The following TNKS variants were observed in gnomAD, a reference collection of about 807,000 sequenced individuals.
TNKS encodes the protein poly [ADP-ribose] polymerase tankyrase-1.
A neutral mutation model predicts 135.8 loss-of-function variants in TNKS; 72 were observed. That is an observed-to-expected ratio of 0.53 (90% CI 0.44 to 0.64). The LOEUF is 0.64. TNKS is among the 30% of genes least tolerant of loss of function. The pLI is 0.00. For synonymous variants in TNKS, 849 were observed against 649.3 expected (o/e 1.31, Z -4.68); for missense variants, 1,769 against 1,674.0 (o/e 1.06, Z -0.99).
At chr8:9,721,030 C>G (rs1295932985) in intron 12 of TNKS, among the ~76,000 whole-genome samples, 4 of 151,786 alleles carry the variant, frequency 2.6e-5, no homozygotes, top group Non-Finnish European at 5.9e-5. Context: ...TCCTGTAATC[C>G]CAATACTTTG....
chr8:9,580,464 G>A (rs2129053337), intron 2 of TNKS, 81 bp downstream of exon 2: 1 of 1,263,518 alleles, frequency 7.9e-7, no homozygotes, highest in East Asian at 2.4e-5. Context: ...TGTTTCCTGA[G>A]AATAGGTAAG....
intron 3 of TNKS, among the ~76,000 whole-genome samples, chr8:9,630,869 TCA>T (rs1393365898): frequency 6.6e-6 from 1 of 152,214 alleles, no homozygotes; most frequent in East Asian, 1.9e-4. Flanking sequence ...AGAAACATTC[TCA>T]GATCTTTAAA....
At chr8:9,607,937 G>A (rs1242846558) in intron 2 of TNKS, among the ~76,000 whole-genome samples, 1 of 152,074 alleles carries the variant, frequency 6.6e-6, no homozygotes, top group Non-Finnish European at 1.5e-5. Context: ...ACACCGCCTT[G>A]ATTTGTGTTA....
chr8:9,609,067 T>C (rs1251407083), intron 2 of TNKS, among the ~76,000 whole-genome samples: 1 of 152,216 alleles, frequency 6.6e-6, no homozygotes, highest in African/African-American at 2.4e-5. Flanking sequence ...ACATTTGCCC[T>C]ATTATTTTTT....
At chr8:9,686,872 A>G (rs1199981510) in intron 5 of TNKS, among the ~76,000 whole-genome samples, 1 of 152,184 alleles carries the variant, frequency 6.6e-6, no homozygotes, top group Non-Finnish European at 1.5e-5. Context: ...TTAGCCTAAA[A>G]AAAATGAAGA....
rs763059252 is a variant in TNKS at position 9,710,151 on chromosome 8, T to A, written c.1680T>A (p.Thr560=). 5 of 1,614,110 alleles carry A rather than the reference T, an allele frequency of 3.1e-6. No individual in the cohort carries two copies. Among genetic ancestry groups the A allele is most frequent in the Non-Finnish European group, 4.2e-6 (5 of 1,179,996 alleles). ...NVNEKNKDFM[T]PLHVAAERAH... ...TTCCTCTTTTCTGTAGTTTCATGAC[T>A]CCCCTGCATGTTGCAGCCGAAAGAG... The change falls in exon 11 of 27, where the codon ACT becomes ACA. Residue 560 remains threonine, a synonymous_variant. Coordinates refer to ENST00000310430, the MANE Select transcript of TNKS (RefSeq NM_003747.3).
intron 17 of TNKS, among the ~76,000 whole-genome samples, chr8:9,742,173 C>T (rs1038410351): frequency 1.3e-5 from 2 of 152,106 alleles, no homozygotes; most frequent in African/African-American, 4.8e-5. Flanking sequence ...ATTTTTACCT[C>T]ATTGTGAGGG....
chr8:9,729,421 C>T (rs550451103), intron 13 of TNKS, among the ~76,000 whole-genome samples: 66 of 152,298 alleles, frequency 4.3e-4, no homozygotes, highest in African/African-American at 1.5e-3. Context: ...TCCCCAGGGA[C>T]CCTGCAATCG....
intron 17 of TNKS, chr8:9,741,744 T>G (rs557756166): frequency 3.8e-6 from 2 of 529,570 alleles, no homozygotes; most frequent in Admixed American, 1.9e-5. Flanking sequence ...CTCTTGTGGC[T>G]CAAGCGTAAT....
chr8:9,662,888 A>C (rs752512059), intron 3 of TNKS, among the ~76,000 whole-genome samples: 1 of 152,250 alleles, frequency 6.6e-6, no homozygotes, highest in Non-Finnish European at 1.5e-5. Flanking sequence ...CATAGATGTC[A>C]ACATACTAAT....
At chr8:9,605,939 A>G (rs1799200338) in intron 2 of TNKS, among the ~76,000 whole-genome samples, 1 of 151,900 alleles carries the variant, frequency 6.6e-6, no homozygotes. Flanking sequence ...AGAAGTTCTT[A>G]ATTTTGATAA....
chr8:9,570,541 C>T (rs1057383218), intron 1 of TNKS, among the ~76,000 whole-genome samples: 10 of 152,136 alleles, frequency 6.6e-5, no homozygotes, highest in South Asian at 2.1e-4. Context: ...AAAAAGCATG[C>T]GGTTAGTACA....
chr8:9,664,004 T>C (rs1332445906), intron 3 of TNKS, among the ~76,000 whole-genome samples: 1 of 152,194 alleles, frequency 6.6e-6, no homozygotes, highest in Non-Finnish European at 1.5e-5. Context: ...TCCAGTCACA[T>C]GATTGTTTCC....
chr8:9,731,100 T>A (rs1471012799), intron 14 of TNKS, 65 bp downstream of exon 14: 2 of 1,435,650 alleles, frequency 1.4e-6, no homozygotes, highest in East Asian at 5.1e-5. Flanking sequence ...TAAAATATTT[T>A]TGAAGTCTTA....
intron 11 of TNKS, among the ~76,000 whole-genome samples, chr8:9,711,963 A>G (rs1804356117): frequency 6.6e-6 from 1 of 152,208 alleles, no homozygotes; most frequent in South Asian, 2.1e-4. Context: ...TATTCAAAAC[A>G]TTGTAATGCA....
chr8:9,558,858 C>A (rs947046895), intron 1 of TNKS: 2 of 152,112 alleles, frequency 1.3e-5, no homozygotes, highest in Non-Finnish European at 2.9e-5. Flanking sequence ...TGCCACGCTT[C>A]CGTGATTGAA....
intron 25 of TNKS, among the ~76,000 whole-genome samples, chr8:9,767,277 A>T (rs1807511013): frequency 6.6e-6 from 1 of 152,246 alleles, no homozygotes; most frequent in Non-Finnish European, 1.5e-5. Flanking sequence ...ATTGGAGAGA[A>T]TAATGGTATA....
In TNKS at chr8:9,735,049, C is replaced by T. The variant is rs1805624304; in HGVS notation, c.2498C>T (p.Thr833Ile). 5.0e-6 allele frequency: 8 copies of T among 1,614,112 alleles called. 1 individual carries two copies. In the Middle Eastern group the frequency reaches 1.3e-3, roughly 266 times the overall value. Residue 833 changes from threonine to isoleucine, a missense_variant, in exon 16 of 27, where the codon ACC (threonine) becomes ATC (isoleucine). By Grantham distance (89) the Thr-to-Ile change is moderately conservative. Coordinates refer to ENST00000310430, the MANE Select transcript of TNKS (RefSeq NM_003747.3). ...CTPENINCRDTQGRNSTPLHL... is the reference protein window; with the variant it reads ...CTPENINCRDIQGRNSTPLHL... ...CCAGAGAATATCAACTGCAGAGACA[C>T]CCAGGGCAGAAATTCAACCCCTCTG...
chr8:9,751,970 CACA>C (rs1180912339), intron 19 of TNKS, 124 bp downstream of exon 19: 2 of 810,680 alleles, frequency 2.5e-6, no homozygotes, highest in African/African-American at 1.7e-5. Context: ...TTTTCATACA[CACA>C]ACATCTTACA....
Sources: gnomAD v4.1 joint callset for allele counts (sites outside exome capture counted in the v4.1 genomes callset) on GRCh38, gnomAD v4.1.1 for gene constraint, MANE v1.5 for transcripts, NCBI Gene and HGNC (gene_info 2026-07-23, HGNC 2026-07-21) for gene names.